The following CD8B2 variants were observed in gnomAD, a reference collection of about 807,000 sequenced individuals.
The protein encoded by CD8B2 is T-cell surface glycoprotein CD8 beta-2 chain.
Under a neutral mutation model 23.7 loss-of-function variants are expected in CD8B2, and 11 were observed. The observed-to-expected ratio is 0.46, with a 90% CI of 0.29 to 0.77. The LOEUF (loss-of-function observed/expected upper bound fraction) is 0.77, where lower values mean the gene tolerates loss of function less well. CD8B2 is among the 30% of genes least tolerant of loss of function. The pLI is 0.09. For synonymous variants in CD8B2, 90 were observed against 109.3 expected, an observed-to-expected ratio of 0.82 and a Z score of 1.10; for missense variants, 197 against 270.5, an observed-to-expected ratio of 0.73 and a Z score of 1.91.
intron 5 of CD8B2, among the ~76,000 whole-genome samples, chr2:106,537,437 C>T (rs1680106511): frequency 6.6e-6 from 1 of 152,062 alleles, no homozygotes; most frequent in Non-Finnish European, 1.5e-5. Flanking sequence ...GGTTCAACGC[C>T]ACCAAGACAC....
intron 5 of CD8B2, among the ~76,000 whole-genome samples, chr2:106,520,666 C>T (rs1232022444): frequency 2.0e-5 from 3 of 152,072 alleles, no homozygotes; most frequent in East Asian, 1.9e-4. Context: ...CCGAGGTGGG[C>T]GGATCACTTG....
Position 106,493,666 on chromosome 2 carries a change from A to G in CD8B2, c.403+2433A>G, listed in dbSNP as rs977718599. Among the ~76,000 whole-genome samples the G allele has an allele frequency of 6.6e-5, 10 of 152,228 alleles. No homozygotes were observed. The East Asian group carries it at 7.7e-4, about 12-fold the overall frequency. On this transcript the variant is annotated intron_variant, in intron 2 of 5. Coordinates refer to ENST00000643224, the MANE Select transcript of CD8B2 (RefSeq NM_001349727.2). ...TCTTACAATAGTTGCCCTCAGCACTATGATGACCCAGGGCCTTGGGTGCAC... is the reference window on the plus strand; with the variant it reads ...TCTTACAATAGTTGCCCTCAGCACTGTGATGACCCAGGGCCTTGGGTGCAC...
At chr2:106,493,561 G>A (rs71211818) in intron 2 of CD8B2, among the ~76,000 whole-genome samples, 9 of 151,992 alleles carry the variant, frequency 5.9e-5, no homozygotes, top group East Asian at 1.9e-4. Flanking sequence ...CTCTAGGGCC[G>A]TGAGGATTGA....
rs1407384194 is a variant in CD8B2 at position 106,496,227 on chromosome 2, G to C, written c.458G>C (p.Arg153Thr). 6.5e-7 allele frequency: 1 copy of C among 1,541,294 alleles called. No individual in the cohort carries two copies. Among genetic ancestry groups the C allele is most frequent in the Non-Finnish European group, 8.8e-7 (1 of 1,142,524 alleles). ...QPTKKSTLKKRVCRLPRPETQ... is the reference protein window; with the variant it reads ...QPTKKSTLKKTVCRLPRPETQ... The stretch of plus-strand genomic sequence containing the variant: ...ACCAAGAAGTCCACCCTCAAGAAGA[G>C]AGTGTGCCGGTTACCCAGGCCAGAG... The change falls in exon 3 of 6, where the codon AGA becomes ACA. Residue 153 changes from arginine to threonine, a missense_variant. Physicochemically the swap from Arg to Thr is moderately conservative, Grantham distance 71. Transcript: ENST00000643224.
intron 3 of CD8B2, among the ~76,000 whole-genome samples, chr2:106,501,370 T>C (rs1679401084): frequency 6.6e-6 from 1 of 152,104 alleles, no homozygotes; most frequent in South Asian, 2.1e-4. Flanking sequence ...TAATCCACTC[T>C]ATATATTTTT....
downstream of CD8B2, among the ~76,000 whole-genome samples, chr2:106,512,075 C>T (rs980936957): frequency 2.0e-5 from 3 of 152,274 alleles, no homozygotes; most frequent in South Asian, 2.1e-4. Flanking sequence ...CATTCTTCTA[C>T]GTAATTTTGT....
intron 1 of CD8B2, 108 bp from the exon 2 acceptor site, chr2:106,490,766 G>A: frequency 6.6e-7 from 1 of 1,517,506 alleles, no homozygotes. Flanking sequence ...CAGTAACTGG[G>A]CAGGTTCTTC....
chr2:106,517,277 T>C (rs1477543081), intron 5 of CD8B2, among the ~76,000 whole-genome samples: 2 of 152,116 alleles, frequency 1.3e-5, no homozygotes, highest in African/African-American at 4.8e-5. Context: ...TCCCCCAGCC[T>C]AGGCATTTTT....
At chr2:106,519,938 G>T (rs549539170) in intron 5 of CD8B2, among the ~76,000 whole-genome samples, 2 of 152,132 alleles carry the variant, frequency 1.3e-5, no homozygotes, top group South Asian at 2.1e-4. Flanking sequence ...ATTCTGTTCC[G>T]CTTGATAGCA....
At chr2:106,494,399 C>T (rs1209254481) in intron 2 of CD8B2, among the ~76,000 whole-genome samples, 1 of 152,114 alleles carries the variant, frequency 6.6e-6, no homozygotes, top group Non-Finnish European at 1.5e-5. Flanking sequence ...CCACCTGCCT[C>T]GGCCTCCCAA....
downstream of CD8B2, among the ~76,000 whole-genome samples, chr2:106,514,874 A>C (rs6707670): frequency 0.48 from 71,597 of 149,124 alleles, 16,564 homozygotes; most frequent in East Asian, 0.73. Flanking sequence ...GGTTAAGCAT[A>C]CATTTTCCAG....
intron 1 of CD8B2, among the ~76,000 whole-genome samples, chr2:106,490,532 C>A (rs1371722219): frequency 1.3e-5 from 2 of 152,150 alleles, no homozygotes; most frequent in East Asian, 3.9e-4. Context: ...AACAAGACCC[C>A]ATGTCTTTTA....
At chr2:106,527,507 G>A (rs1055501522) in intron 5 of CD8B2, among the ~76,000 whole-genome samples, 4 of 152,186 alleles carry the variant, frequency 2.6e-5, no homozygotes, top group Admixed American at 1.3e-4. Flanking sequence ...GGGATCAGCC[G>A]GGCACAGTGG....
At chr2:106,518,459 A>C (rs1424476261) in intron 5 of CD8B2, among the ~76,000 whole-genome samples, 1 of 152,292 alleles carries the variant, frequency 6.6e-6, no homozygotes, top group African/African-American at 2.4e-5. Flanking sequence ...ATAGGTTCTG[A>C]GCCCTGGAAG....
At chr2:106,519,836 T>G (rs1431891744) in intron 5 of CD8B2, among the ~76,000 whole-genome samples, 2 of 152,218 alleles carry the variant, frequency 1.3e-5, no homozygotes, top group Non-Finnish European at 2.9e-5. Context: ...TTTACAAATT[T>G]GTGTTGGGCC....
intron 5 of CD8B2, among the ~76,000 whole-genome samples, chr2:106,517,984 G>A (rs552436365): frequency 4.5e-4 from 68 of 152,264 alleles, no homozygotes; most frequent in Non-Finnish European, 8.8e-4. Flanking sequence ...AAAGTGCTGG[G>A]ATTACAGGCG....
At chr2:106,499,641 C>T (rs569026473) in intron 3 of CD8B2, among the ~76,000 whole-genome samples, 115 of 152,008 alleles carry the variant, frequency 7.6e-4, no homozygotes, top group African/African-American at 2.5e-3. Flanking sequence ...CCAAGTTGGG[C>T]GACCGTTACC....
At position 106,491,187 on chromosome 2, in the gene CD8B2, C is replaced by T. The variant is rs186614980; in HGVS notation, c.357C>T (p.Val119=). 225 of 1,613,258 alleles carry T rather than the reference C, an allele frequency of 1.4e-4. No individual in the cohort carries two copies. Among genetic ancestry groups the T allele is most frequent in the African/African-American group, 1.0e-3 (75 of 75,034 alleles). Residue 119 remains valine, a synonymous_variant, in exon 2 of 6, where the codon GTC becomes GTT. Transcript: ENST00000643224. ...GTGGCATCTACTTCTGCATGATCGT[C>T]GGGAGCCCCGAGCTGACCTTCGGGA... ...EDSGIYFCMI[V]GSPELTFGKG...
At chr2:106,520,509 T>C (rs1679807146) in intron 5 of CD8B2, among the ~76,000 whole-genome samples, 1 of 152,188 alleles carries the variant, frequency 6.6e-6, no homozygotes, top group South Asian at 2.1e-4. Flanking sequence ...CCTCCTGAAG[T>C]GGCCTTGTTG....
Sources: allele counts gnomAD v4.1 joint callset (sites outside exome capture counted in the v4.1 genomes callset), GRCh38; gene constraint gnomAD v4.1.1; transcripts MANE v1.5; gene names NCBI Gene and HGNC (gene_info 2026-07-23, HGNC 2026-07-21).